Variants in MBD5 observed in about 807,000 individuals in gnomAD.
MBD5 encodes the protein methyl-CpG binding domain protein 5.
MBD5 carries 13 observed loss-of-function variants against 117.3 expected under a neutral mutation model. That is an observed-to-expected ratio of 0.11 (90% CI 0.07 to 0.18). The LOEUF is 0.18. Among genes scored for constraint, MBD5 ranks in the 10% least tolerant of loss-of-function variants. MBD5 has a pLI of 1.00. For missense variants in MBD5, 1,879 were observed against 2,093.8 expected, an observed-to-expected ratio of 0.90 and a Z score of 2.00; for synonymous variants, 727 against 766.4, an observed-to-expected ratio of 0.95 and a Z score of 0.85.
chr2:148,290,143 A>G (rs1701468401), intron 3 of MBD5, among the ~76,000 whole-genome samples: 1 of 148,412 alleles, frequency 6.7e-6, no homozygotes, highest in African/African-American at 2.5e-5. Flanking sequence ...TTTTTAGTAG[A>G]GACAGTGTTT....
In MBD5 at chr2:148,127,380, C is replaced by T. The variant is rs149802349; in HGVS notation, c.-924-51320C>T. Among the ~76,000 whole-genome samples the T allele has an allele frequency of 9.1e-3, 1,386 of 152,240 alleles. 14 individuals are homozygous for T. The highest frequency in any genetic ancestry group is 0.031 in the African/African-American group (1,287 of 41,530). On this transcript the variant is annotated intron_variant, in intron 1 of 13. Transcript: ENST00000642680. The stretch of plus-strand genomic sequence containing the variant: ...CATCCATTAGCTATTCTTCCTGATG[C>T]TCTCTCTCCCCGCAGCTCATGACAG...
chr2:148,183,687 A>T (rs911258169), intron 2 of MBD5, among the ~76,000 whole-genome samples: 1 of 152,078 alleles, frequency 6.6e-6, no homozygotes, highest in Admixed American at 6.6e-5. Context: ...TTGGCTATTT[A>T]AAAAAACAGC....
At chr2:148,266,171 T>C (rs1363319510) in intron 3 of MBD5, among the ~76,000 whole-genome samples, 1 of 152,148 alleles carries the variant, frequency 6.6e-6, no homozygotes, top group Non-Finnish European at 1.5e-5. Context: ...AAAGTGAGTA[T>C]TTGTGTTGGT....
intron 3 of MBD5, among the ~76,000 whole-genome samples, chr2:148,330,149 G>T (rs1024561520): frequency 2.1e-5 from 3 of 142,800 alleles, no homozygotes; most frequent in Non-Finnish European, 1.5e-5. Context: ...GGTATGGTGG[G>T]TCATAGGATG....
chr2:148,102,545 A>T (rs1696243339), intron 1 of MBD5, among the ~76,000 whole-genome samples: 1 of 152,082 alleles, frequency 6.6e-6, no homozygotes, highest in Admixed American at 6.6e-5. Flanking sequence ...TATCTCCCTA[A>T]TTCCAAATAC....
chr2:148,390,366 C>T (rs1704529558), intron 4 of MBD5, among the ~76,000 whole-genome samples: 4 of 151,498 alleles, frequency 2.6e-5, no homozygotes, highest in Admixed American at 2.6e-4. Context: ...GGCCGTATTT[C>T]TATATGCAGT....
chr2:148,228,718 G>A (rs1055581367), intron 2 of MBD5, among the ~76,000 whole-genome samples: 11 of 152,120 alleles, frequency 7.2e-5, no homozygotes, highest in African/African-American at 1.4e-4. Flanking sequence ...GGTAGAATTC[G>A]GCTGTGAATC....
intron 10 of MBD5, 30 bp from the exon 11 acceptor site, chr2:148,489,356 C>G: frequency 6.2e-7 from 1 of 1,613,738 alleles, no homozygotes; most frequent in South Asian, 1.1e-5. Flanking sequence ...ATTTCCCTTT[C>G]TCTCACTGCT....
At chr2:148,276,444 T>A (rs1345401952) in intron 3 of MBD5, among the ~76,000 whole-genome samples, 1 of 152,194 alleles carries the variant, frequency 6.6e-6, no homozygotes, top group Admixed American at 6.6e-5. Context: ...CATATTTGGT[T>A]TATCTCTCAC....
chr2:148,295,780 G>C, intron 3 of MBD5: 1 of 171,342 alleles, frequency 5.8e-6, no homozygotes, highest in Non-Finnish European at 1.2e-5. Context: ...TATTCTGTCT[G>C]GATTGGTTGC....
intron 3 of MBD5, among the ~76,000 whole-genome samples, chr2:148,249,444 A>T (rs961795612): frequency 3.9e-5 from 6 of 152,198 alleles, no homozygotes; most frequent in South Asian, 4.1e-4. Flanking sequence ...AGGAAAATTT[A>T]AATCAGCATA....
At chr2:148,120,586 T>C (rs945422274) in intron 1 of MBD5, among the ~76,000 whole-genome samples, 1 of 152,234 alleles carries the variant, frequency 6.6e-6, no homozygotes, top group Non-Finnish European at 1.5e-5. Context: ...TCCAACTGTT[T>C]ATTGCTAGTG....
intron 11 of MBD5, among the ~76,000 whole-genome samples, chr2:148,499,020 C>T (rs1024069791): frequency 2.6e-5 from 4 of 152,108 alleles, no homozygotes; most frequent in Non-Finnish European, 2.9e-5. Context: ...TGGTAGGGCA[C>T]GGTGGCTCAT....
chr2:148,210,809 G>C (rs1170434010), intron 2 of MBD5, among the ~76,000 whole-genome samples: 1 of 151,816 alleles, frequency 6.6e-6, no homozygotes, highest in Non-Finnish European at 1.5e-5. Flanking sequence ...CTGATTTTTT[G>C]TTACATATAT....
intron 4 of MBD5, among the ~76,000 whole-genome samples, chr2:148,378,429 T>G (rs949148828): frequency 6.6e-6 from 1 of 152,148 alleles, no homozygotes; most frequent in Non-Finnish European, 1.5e-5. Flanking sequence ...AGCATTTCTT[T>G]TACTGCCTAA....
chr2:148,206,094 A>G (rs1448850194), intron 2 of MBD5, among the ~76,000 whole-genome samples: 1 of 151,774 alleles, frequency 6.6e-6, no homozygotes, highest in African/African-American at 2.4e-5. Context: ...CTGCACTCCA[A>G]CTTGTGCAAC....
Position 148,250,747 on chromosome 2 carries a change from C to CT in MBD5, c.-680+17353dup, listed in dbSNP as rs60199349. ...TAGCTTGTTAATTCTCAGAACAACT[C>CT]TAAGAGAAATGTTATTATTCTTATT... is the stretch of plus-strand genomic sequence containing the variant. On this transcript the variant is annotated intron_variant, in intron 3 of 13. Transcript: ENST00000642680. Among the ~76,000 whole-genome samples the CT allele has an allele frequency of 3.7e-3, 567 of 152,226 alleles. 3 individuals carry two copies. The highest frequency in any genetic ancestry group is 0.013 in the African/African-American group (528 of 41,540).
intron 4 of MBD5, among the ~76,000 whole-genome samples, chr2:148,456,120 G>A (rs1706875445): frequency 6.6e-6 from 1 of 152,104 alleles, no homozygotes; most frequent in African/African-American, 2.4e-5. Context: ...CTGGGCTTTG[G>A]ATAAATAGTA....
chr2:148,287,396 T>C (rs543064770), intron 3 of MBD5, among the ~76,000 whole-genome samples: 4 of 152,156 alleles, frequency 2.6e-5, no homozygotes, highest in Non-Finnish European at 5.9e-5. Flanking sequence ...ACAGGCTCTT[T>C]AGTGTTGAGT....
Sources: gnomAD v4.1 joint callset for allele counts (sites outside exome capture counted in the v4.1 genomes callset) on GRCh38, gnomAD v4.1.1 for gene constraint, MANE v1.5 for transcripts, NCBI Gene and HGNC (gene_info 2026-07-23, HGNC 2026-07-21) for gene names.